The following NOL10 variants were observed in gnomAD, a reference collection of about 807,000 sequenced individuals.
NOL10 encodes the protein nucleolar protein 10.
In NOL10, 58 loss-of-function variants were observed where a neutral mutation model predicts 103.5. The observed-to-expected ratio is 0.56, with a 90% CI of 0.45 to 0.70. The LOEUF is 0.70. Among genes scored for constraint, NOL10 ranks in the 30% least tolerant of loss-of-function variants. The pLI is 0.00. For synonymous variants in NOL10, 287 were observed against 282.5 expected, an observed-to-expected ratio of 1.02 and a Z score of -0.16; for missense variants, 763 against 807.3, an observed-to-expected ratio of 0.95 and a Z score of 0.67.
chr2:10,664,048 G>A (rs1680404596), intron 8 of NOL10, among the ~76,000 whole-genome samples: 1 of 151,984 alleles, frequency 6.6e-6, no homozygotes, highest in East Asian at 1.9e-4. Context: ...TTGAACCCGG[G>A]AGGCAGAGGC....
intron 19 of NOL10, among the ~76,000 whole-genome samples, chr2:10,588,707 G>A (rs971522027): frequency 2.0e-5 from 3 of 152,226 alleles, no homozygotes; most frequent in African/African-American, 7.2e-5. Context: ...AGGAAAGTGT[G>A]TGGCTTCTGC....
chr2:10,682,803 T>C (rs1681871055), intron 2 of NOL10, among the ~76,000 whole-genome samples: 1 of 151,250 alleles, frequency 6.6e-6, no homozygotes, highest in Non-Finnish European at 1.5e-5. Flanking sequence ...CTCTTTTTTT[T>C]TGAGACAAGT....
chr2:10,652,456 T>G (rs12621903), intron 12 of NOL10, among the ~76,000 whole-genome samples: 117,516 of 151,808 alleles, frequency 0.77, 46,728 homozygotes, highest in Middle Eastern at 0.94. Flanking sequence ...AGTTATAAAA[T>G]ATTAAATAAG....
At chr2:10,637,739 G>A (rs529877425) in intron 13 of NOL10, among the ~76,000 whole-genome samples, 2 of 152,096 alleles carry the variant, frequency 1.3e-5, no homozygotes, top group African/African-American at 2.4e-5. Flanking sequence ...CTCTATTTGC[G>A]AAGACAGAGT....
intron 5 of NOL10, chr2:10,673,309 G>C: frequency 2.6e-6 from 1 of 385,180 alleles, no homozygotes. Flanking sequence ...TTTGATATTA[G>C]ATTGGCCAAA....
chr2:10,651,172 G>A (rs923404433), intron 12 of NOL10, among the ~76,000 whole-genome samples: 9 of 152,128 alleles, frequency 5.9e-5, no homozygotes, highest in Non-Finnish European at 1.2e-4. Flanking sequence ...CAGCCTGCGG[G>A]GGCCAACAGA....
chr2:10,650,940 C>T (rs757081258), intron 12 of NOL10, among the ~76,000 whole-genome samples: 7 of 152,086 alleles, frequency 4.6e-5, no homozygotes, highest in Admixed American at 3.3e-4. Flanking sequence ...CAACCACTGT[C>T]GTCAGTGGTG....
rs781422307 is a variant in NOL10, at chr2:10,671,613, C to T, written c.405G>A (p.Lys135=). The T allele has an allele frequency of 6.3e-7, 1 of 1,599,388 alleles. No homozygotes were observed. Among genetic ancestry groups the T allele is most frequent in the East Asian group, 2.2e-5 (1 of 44,552 alleles). Residue 135 remains lysine (K), a synonymous_variant, in exon 6 of 21, where the codon AAG becomes AAA. Coordinates refer to ENST00000381685, the MANE Select transcript of NOL10 (RefSeq NM_024894.4). ...AGTGGTAAGAGAAATCTCTCCCAAA[C>T]TTTGGTATTCTGGTTTTGTAGTAAA... ...SGFYYKTRIP[K]FGRDFSYHYP...
intron 13 of NOL10, among the ~76,000 whole-genome samples, chr2:10,623,252 C>G (rs1572313379): frequency 6.6e-6 from 1 of 152,038 alleles, no homozygotes; most frequent in Non-Finnish European, 1.5e-5. Flanking sequence ...GGCTTTAAGT[C>G]CTGATACTTC....
chr2:10,590,776 T>C (rs1035711332), intron 17 of NOL10: 2 of 152,248 alleles, frequency 1.3e-5, no homozygotes, highest in Admixed American at 1.3e-4. Context: ...ACTGTAAACT[T>C]ACCTGTTCAC....
intron 20 of NOL10, among the ~76,000 whole-genome samples, chr2:10,576,098 C>A (rs774835740): frequency 2.0e-5 from 3 of 152,136 alleles, no homozygotes; most frequent in Non-Finnish European, 4.4e-5. Context: ...AGAGATGACA[C>A]ACAAATGACC....
chr2:10,621,954 C>T (rs543775530), intron 13 of NOL10: 8 of 416,790 alleles, frequency 1.9e-5, no homozygotes, highest in African/African-American at 8.3e-5. Flanking sequence ...CCACCTGTGG[C>T]GATTTAAGTT....
At chr2:10,579,555 GTTAGCTTT>G (rs1469117818) in intron 19 of NOL10, among the ~76,000 whole-genome samples, 2 of 148,402 alleles carry the variant, frequency 1.3e-5, no homozygotes, top group Admixed American at 1.3e-4. Context: ...GAAGATTTCG[GTTAGCTTT>G]TTTTTTTTTT....
intron 1 of NOL10, among the ~76,000 whole-genome samples, chr2:10,688,896 G>A (rs1682408531): frequency 6.6e-6 from 1 of 152,202 alleles, no homozygotes. Context: ...CCTAAGCACT[G>A]GCTCCAAATT....
chr2:10,671,568 G>A lies in NOL10; in HGVS notation c.450C>T (p.Tyr150=), dbSNP rs1351687752. 11 of 1,606,432 alleles carry A rather than the reference G, an allele frequency of 6.8e-6. No homozygotes were observed. The highest frequency in any genetic ancestry group is 9.3e-6 in the Non-Finnish European group (11 of 1,176,706). Residue 150 remains tyrosine, a synonymous_variant, in exon 6 of 21, where the codon TAC becomes TAT. Transcript: ENST00000381685. ...FSYHYPSCDL[Y]FVGASSEVYR... ...GGATCCAATACCTTGCACCAACAAA[G>A]TACAAGTCACAGGATGGATAGTGGT...
chr2:10,635,895 T>C (rs1370825788), intron 13 of NOL10, among the ~76,000 whole-genome samples: 3 of 152,214 alleles, frequency 2.0e-5, no homozygotes, highest in African/African-American at 7.2e-5. Context: ...ATTTCATGTA[T>C]TTCTTATTTT....
At chr2:10,658,470 G>C (rs1466406824) in intron 10 of NOL10, among the ~76,000 whole-genome samples, 2 of 152,086 alleles carry the variant, frequency 1.3e-5, no homozygotes. Flanking sequence ...AAGTGTACAG[G>C]CTCTGCCTTG....
At chr2:10,677,520 G>A (rs1426782134) in intron 3 of NOL10, among the ~76,000 whole-genome samples, 1 of 150,376 alleles carries the variant, frequency 6.6e-6, no homozygotes, top group Non-Finnish European at 1.5e-5. Flanking sequence ...AACCAGGCTG[G>A]AGCACAGAGG....
chr2:10,596,773 C>T (rs1279118617), intron 17 of NOL10, among the ~76,000 whole-genome samples: 2 of 152,110 alleles, frequency 1.3e-5, no homozygotes, highest in Admixed American at 6.5e-5. Context: ...AAAGTACATT[C>T]ATCAGAGACT....
Sources: gnomAD v4.1 joint callset for allele counts (sites outside exome capture counted in the v4.1 genomes callset) on GRCh38, gnomAD v4.1.1 for gene constraint, MANE v1.5 for transcripts, NCBI Gene and HGNC (gene_info 2026-07-23, HGNC 2026-07-21) for gene names.